The following PLEC variants were observed in gnomAD, a reference collection of about 807,000 sequenced individuals.
The protein encoded by PLEC is plectin, also known as hemidesmosomal protein 1.
Under a neutral mutation model 392.8 loss-of-function variants are expected in PLEC, and 216 were observed. That is an observed-to-expected ratio of 0.55 (90% confidence interval 0.49 to 0.62). The LOEUF (loss-of-function observed/expected upper bound fraction) is 0.62, where lower values mean the gene tolerates loss of function less well. Ranked by LOEUF, PLEC falls within the 20% of genes least tolerant of loss-of-function variation. PLEC has a pLI of 0.00. For missense variants in PLEC, 6,863 were observed against 6,563.4 expected, an observed-to-expected ratio of 1.05 and a Z score of -1.58; for synonymous variants, 3,621 against 2,980.6, an observed-to-expected ratio of 1.21 and a Z score of -7.00.
rs1435998343 is a variant in PLEC, at chr8:143,920,857, C to T, written c.8964G>A (p.Glu2988=). 4.3e-6 allele frequency: 7 copies of T among 1,609,860 alleles called. No individual in the cohort carries two copies. In the African/African-American group the frequency reaches 5.3e-5, roughly 12 times the overall value. Residue 2988 remains glutamate (E), a synonymous_variant, in exon 32 of 32, where the codon GAG becomes GAA. Coordinates refer to ENST00000345136, the MANE Select transcript of PLEC (RefSeq NM_201384.3). ...AGAGCTCGCGGTCGATGACCCTGCT[C>T]TCCAGCAGCTCGGCGGCTGGCACCA... ...RSLVPAAELL[E]SRVIDRELYQ...
intron 1 of PLEC, among the ~76,000 whole-genome samples, chr8:143,964,903 C>T (rs1473423437): frequency 6.6e-6 from 1 of 152,150 alleles, no homozygotes; most frequent in Non-Finnish European, 1.5e-5. Flanking sequence ...ATCATAAAAG[C>T]CACAACCAGA....
rs374776968 is a variant in PLEC, at chr8:143,920,705, C to A, written c.9116G>T (p.Ser3039Ile). 1.2e-6 allele frequency: 2 copies of A among 1,602,664 alleles called. No homozygotes were observed. Among genetic ancestry groups the A allele is most frequent in the Non-Finnish European group, 1.7e-6 (2 of 1,179,894 alleles). Residue 3039 changes from serine (S) to isoleucine (I), a missense_variant, in exon 32 of 32, where the codon AGT becomes ATT. By Grantham distance (142) the Ser-to-Ile change is moderately radical (BLOSUM62 -2). Coordinates refer to ENST00000345136, the MANE Select transcript of PLEC (RefSeq NM_201384.3). Reference protein sequence around the residue: ...VWLEEAGQKLSIYNALKKDLL... With the variant: ...VWLEEAGQKLIIYNALKKDLL... ...GTCTTTCTTCAGGGCATTGTAGATA[C>A]TCAGCTTCTGCCCCGCCTCCTCCAG...
chr8:143,921,454 G>A lies in PLEC; in HGVS notation c.8367C>T (p.Phe2789=). The change falls in exon 32 of 32, where the codon TTC becomes TTT. Residue 2789 remains phenylalanine, a synonymous_variant. Coordinates refer to ENST00000345136, the MANE Select transcript of PLEC (RefSeq NM_201384.3). ...CGATGAGGCCCTTCTGCATGGCTTG[G>A]AAGAGAGAGATCTGCTGGCCAGTGT... The part of the protein sequence containing the change: ...DPYTGQQISL[F]QAMQKGLIVR... The A allele has an allele frequency of 3.1e-6, 5 of 1,613,360 alleles. No homozygotes were observed. Among genetic ancestry groups the A allele is most frequent in the South Asian group, 2.2e-5 (2 of 91,070 alleles).
intron 1 of PLEC, among the ~76,000 whole-genome samples, chr8:143,961,398 G>C (rs1051099696): frequency 8.5e-5 from 13 of 152,202 alleles, no homozygotes; most frequent in African/African-American, 3.1e-4. Context: ...GCTAATTTTT[G>C]TATTTTTAGT....
In PLEC at chr8:143,916,669, G is replaced by C. The variant is rs1327131556; in HGVS notation, c.13152C>G (p.Gly4384=). Residue 4384 remains glycine (G), a synonymous_variant, in exon 32 of 32, where the codon GGC becomes GGG. Transcript: ENST00000345136. ...GGTACTGCACCTCCAGGAAGCGCTG[G>C]CCGGCCTCGTAGTAGAGCCAGCCCT... is the stretch of plus-strand genomic sequence containing the variant. ...LKKGWLYYEA[G]QRFLEVQYLT... 4.1e-5 allele frequency: 66 copies of C among 1,611,330 alleles called. No homozygotes were observed. The highest frequency in any genetic ancestry group is 5.4e-5 in the Non-Finnish European group (64 of 1,179,284).
chr8:143,945,312 C>A (rs781828982), intron 1 of PLEC: 8 of 409,080 alleles, frequency 2.0e-5, no homozygotes, highest in Non-Finnish European at 3.5e-5. Context: ...GGAGACGCCT[C>A]TCCTGGGCCA....
rs57468544 is a variant in PLEC at position 143,968,529 on chromosome 8, C to CAAAAAAAAAAAA, written c.70+4862_70+4873dup. ...TGGGTGACAGAGCAAAACTCCATCT[C>CAAAAAAAAAAAA]AAAAAAAAAAAAAAAAAAGACACCA... On this transcript the variant is annotated intron_variant, in intron 1 of 31. Coordinates refer to the PLEC transcript ENST00000356346. Among the ~76,000 whole-genome samples the CAAAAAAAAAAAA allele has an allele frequency of 1.6e-3, 104 of 63,640 alleles. 5 individuals carry two copies. The highest frequency in any genetic ancestry group is 0.012 in the Middle Eastern group (1 of 86). The allele number at this position is 63,640 out of a possible 152,430, so 41.8% of individuals were successfully genotyped here.
chr8:143,953,630 G>A, upstream of PLEC: 1 of 1,325,500 alleles, frequency 7.5e-7, no homozygotes, highest in South Asian at 1.2e-5. Context: ...CCCCAGGGAT[G>A]GCAGACCCTG....
chr8:143,968,924 G>A (rs782102029), intron 1 of PLEC, among the ~76,000 whole-genome samples: 5 of 152,160 alleles, frequency 3.3e-5, no homozygotes, highest in South Asian at 2.1e-4. Context: ...AGAATGGCAC[G>A]CCCGCTTTAG....
Position 143,926,711 on chromosome 8 carries a change from CTG to C in PLEC, c.4044+71_4044+72del. The C allele has an allele frequency of 4.7e-6, 6 of 1,273,660 alleles. No homozygotes were observed. The South Asian group carries it at 7.1e-5, about 15-fold the overall frequency. 78.9% of individuals were successfully genotyped at this position (1,273,660 alleles called of 1,614,324 possible). A position where few individuals can be genotyped will look rare whatever the true frequency, so the allele number is the denominator to read the frequency against. ...CACGAGAGGTGGCCTCAGGCAGCTC[CTG>C]TGGCTGTGTGTGGGACACAACAGGT... On this transcript the variant is annotated intron_variant, in intron 30 of 31. Transcript: ENST00000345136.
chr8:143,921,904 C>T lies in PLEC; in HGVS notation c.7917G>A (p.Glu2639=), dbSNP rs1554687590. The T allele has an allele frequency of 2.5e-6, 4 of 1,600,220 alleles. No homozygotes were observed. The highest frequency in any genetic ancestry group is 1.7e-5 in the Admixed American group (1 of 59,980). The change falls in exon 32 of 32, where the codon GAG becomes GAA. Residue 2639 remains glutamate, a synonymous_variant. Coordinates refer to ENST00000345136, the MANE Select transcript of PLEC (RefSeq NM_201384.3). ...CATCGAAGCTGTGCTCCGGCTCTGC[C>T]TCTGCCGCGGGGCCATCAAGTGCAT... ...GRDALDGPAA[E]AEPEHSFDGL...
In PLEC at chr8:143,919,847, C is replaced by T. The variant is rs1821937509; in HGVS notation, c.9974G>A (p.Arg3325Lys). 6.2e-7 allele frequency: 1 copy of T among 1,613,064 alleles called. No homozygotes were observed. The highest frequency in any genetic ancestry group is 8.5e-7 in the Non-Finnish European group (1 of 1,180,050). The change falls in exon 32 of 32, where the codon AGA becomes AAA. Residue 3325 changes from arginine to lysine, a missense_variant. Arg to Lys is a conservative substitution (Grantham distance 26). Transcript: ENST00000345136. ...GTCCTTGAGCTGCTCAAACTGGGCT[C>T]TGCTGAGGACCCCGGAAGCCAGGAG... ...SELLASGVLS[R>K]AQFEQLKDGK...
At position 143,925,208 on chromosome 8, in the gene PLEC, G is replaced by A. The variant is rs1554701216; in HGVS notation, c.4721C>T (p.Ala1574Val). The A allele has an allele frequency of 3.1e-6, 5 of 1,587,552 alleles. No individual in the cohort carries two copies. The highest frequency in any genetic ancestry group is 4.3e-6 in the Non-Finnish European group (5 of 1,175,400). ...QVALETAQRS[A>V]EAELQSKRAS... ...GCGTTTGCTCTGCAGCTCCGCCTCTGCACTGCGCTGCGCCGTCTCCAGGGC... is the reference window on the plus strand; with the variant it reads ...GCGTTTGCTCTGCAGCTCCGCCTCTACACTGCGCTGCGCCGTCTCCAGGGC... Residue 1574 changes from alanine to valine, a missense_variant, in exon 31 of 32, where the codon GCA (alanine) becomes GTA (valine). Physicochemically the swap from Ala to Val is moderately conservative, Grantham distance 64. Coordinates refer to ENST00000345136, the MANE Select transcript of PLEC (RefSeq NM_201384.3).
At chr8:143,936,878 C>G in intron 5 of PLEC, 101 bp downstream of exon 5, 4 of 941,918 alleles carry the variant, frequency 4.2e-6, no homozygotes, top group Admixed American at 1.8e-5. Flanking sequence ...ACCTCCCAGG[C>G]CACGCCCTAG....
At position 143,921,835 on chromosome 8, in the gene PLEC, G is replaced by C; in HGVS notation, c.7986C>G (p.Gly2662=). Residue 2662 remains glycine, a synonymous_variant, in exon 32 of 32, where the codon GGC becomes GGG. Transcript: ENST00000345136. The stretch of plus-strand genomic sequence containing the variant: ...GCTGCAGCTCCTCCGCACTCAGGAT[G>C]CCGGCCTCCTGCAGCCTCTGAGCTG... ...KVSAQRLQEA[G]ILSAEELQRL... The C allele has an allele frequency of 6.2e-7, 1 of 1,606,352 alleles. No homozygotes were observed. Among genetic ancestry groups the C allele is most frequent in the Non-Finnish European group, 8.5e-7 (1 of 1,179,736 alleles).
intron 1 of PLEC, chr8:143,944,820 G>A (rs533813820): frequency 1.1e-5 from 8 of 701,694 alleles, no homozygotes; most frequent in African/African-American, 1.9e-5. Context: ...GGGGAGGGGA[G>A]CAGTGGGCAG....
In PLEC at chr8:143,923,840, T is replaced by A; in HGVS notation, c.6089A>T (p.Gln2030Leu). 6.3e-7 allele frequency: 1 copy of A among 1,588,540 alleles called. No individual in the cohort carries two copies. The highest frequency in any genetic ancestry group is 8.5e-7 in the Non-Finnish European group (1 of 1,175,332). ...EARRLRERAE[Q>L]ESARQLQLAQ... ...CAGCTGCAGCTGCCGCGCCGACTCC[T>A]GCTCCGCTCGCTCCCGCAGGCGCCG... The change falls in exon 31 of 32, where the codon CAG (glutamine) becomes CTG (leucine). Residue 2030 changes from glutamine (Q) to leucine (L), a missense_variant. By Grantham distance (113) the Gln-to-Leu change is moderately radical. Coordinates refer to ENST00000345136, the MANE Select transcript of PLEC (RefSeq NM_201384.3).
chr8:143,918,696 C>G lies in PLEC; in HGVS notation c.11125G>C (p.Ala3709Pro). 2 of 1,612,942 alleles carry G rather than the reference C, an allele frequency of 1.2e-6. No individual in the cohort carries two copies. Among genetic ancestry groups the G allele is most frequent in the Non-Finnish European group, 1.7e-6 (2 of 1,179,984 alleles). ...GCACTCAGCAGCCCTTTCTTGAGAG[C>G]CTGGTAGATGCTCAGTGTCTGCCTG... Reference protein sequence around the residue: ...GSRQTLSIYQALKKGLLSAEV... With the variant: ...GSRQTLSIYQPLKKGLLSAEV... The change falls in exon 32 of 32, where the codon GCT becomes CCT. Residue 3709 changes from alanine (A) to proline (P), a missense_variant. Coordinates refer to ENST00000345136, the MANE Select transcript of PLEC (RefSeq NM_201384.3).
rs199856296 is a variant in PLEC, at chr8:143,921,581, C to T, written c.8240G>A (p.Arg2747Gln). ...CTTCACAGCCTCGTTGACGGTCAGCCGCCGGTTCCGCACAGGGTCCAGCAG... is the reference window on the plus strand; with the variant it reads ...CTTCACAGCCTCGTTGACGGTCAGCTGCCGGTTCCGCACAGGGTCCAGCAG... ...GFLLDPVRNR[R>Q]LTVNEAVKEG... Residue 2747 changes from arginine to glutamine, a missense_variant, in exon 32 of 32, where the codon CGG becomes CAG. By Grantham distance (43) the Arg-to-Gln change is conservative. Coordinates refer to ENST00000345136, the MANE Select transcript of PLEC (RefSeq NM_201384.3). 4.1e-5 allele frequency: 66 copies of T among 1,612,180 alleles called. No homozygotes were observed. The highest frequency in any genetic ancestry group is 1.7e-4 in the Admixed American group (10 of 59,960).
Sources: gnomAD v4.1 joint callset for allele counts (sites outside exome capture counted in the v4.1 genomes callset) on GRCh38, gnomAD v4.1.1 for gene constraint, MANE v1.5 for transcripts, NCBI Gene and HGNC (gene_info 2026-07-23, HGNC 2026-07-21) for gene names.